The following ZNF333 variants were observed in gnomAD, a reference collection of about 807,000 sequenced individuals.
ZNF333 encodes zinc finger protein 333.
Under a neutral mutation model 76.1 loss-of-function variants are expected in ZNF333, and 61 were observed. The ratio of observed to expected loss-of-function variants is 0.80; its 90% CI spans 0.65 to 0.99. The LOEUF is 0.99. Ranked by LOEUF, ZNF333 falls within the 50% of genes least tolerant of loss-of-function variation. ZNF333 has a pLI of 0.00. For missense variants in ZNF333, 717 were observed against 822.4 expected (o/e 0.87, Z 1.57); for synonymous variants, 284 against 305.0 (o/e 0.93, Z 0.72).
At chr19:14,704,836 G>C (rs564727076) in intron 5 of ZNF333, among the ~76,000 whole-genome samples, 31 of 152,334 alleles carry the variant, frequency 2.0e-4, no homozygotes, top group African/African-American at 7.2e-4. Flanking sequence ...TATCAATGGG[G>C]CTTCGCCATG....
chr19:14,708,415 C>A (rs544656229), intron 7 of ZNF333: 1 of 401,246 alleles, frequency 2.5e-6, no homozygotes, highest in Non-Finnish European at 4.4e-6. Flanking sequence ...CCGTGGAGCT[C>A]ACGGTCAGCT....
At position 14,695,152 on chromosome 19, in the gene ZNF333, G is replaced by C. The variant is rs774436036; in HGVS notation, c.127+19G>C. ...TCCAGGGGTAAGGCTGGCGTCACCT[G>C]GCTCCTTCCTGTACGCAGGCACTAA... On this transcript the variant is annotated intron_variant, in intron 3 of 11. Transcript: ENST00000292530. 2 of 1,610,796 alleles carry C rather than the reference G, an allele frequency of 1.2e-6. No individual in the cohort carries two copies. The highest frequency in any genetic ancestry group is 3.3e-5 in the Admixed American group (2 of 59,832).
At chr19:14,706,613 T>G (rs1255825656) in intron 6 of ZNF333, 73 bp from the exon 7 acceptor site, 2 of 1,140,084 alleles carry the variant, frequency 1.8e-6, no homozygotes, top group African/African-American at 1.5e-5. Flanking sequence ...TGCACGTTCA[T>G]TTGGGGTGAG....
chr19:14,730,948 C>T (rs1295599499), intron 11 of ZNF333, among the ~76,000 whole-genome samples: 1 of 151,854 alleles, frequency 6.6e-6, no homozygotes, highest in Admixed American at 6.6e-5. Flanking sequence ...ATGATGGTTC[C>T]AGCTGCATTC....
At position 14,711,982 on chromosome 19, in the gene ZNF333, C is replaced by T. The variant is rs904810439; in HGVS notation, c.512-3400C>T. Among the ~76,000 whole-genome samples, 5 of 151,558 alleles carry T rather than the reference C, an allele frequency of 3.3e-5. No individual in the cohort carries two copies. The East Asian group carries it at 5.8e-4, about 18-fold the overall frequency. ...TCAGGATGGGGCACTCTGAGGGCGA[C>T]GTTTCAGTGGATCCAAAAAGAAAAG... On this transcript the variant is annotated intron_variant, in intron 7 of 11. Transcript: ENST00000292530.
chr19:14,717,205 T>A (rs926396310), intron 10 of ZNF333, 116 bp downstream of exon 10: 2 of 768,316 alleles, frequency 2.6e-6, no homozygotes, highest in Non-Finnish European at 4.1e-6. Flanking sequence ...GCCTGTTTGG[T>A]TGAGCTCCCT....
chr19:14,707,975 C>T, intron 7 of ZNF333: 1 of 400,992 alleles, frequency 2.5e-6, no homozygotes, highest in East Asian at 3.6e-5. Context: ...GGTAAGTCTT[C>T]TGGGCCAGGC....
Position 14,695,263 on chromosome 19 carries a change from A to G in ZNF333, c.127+130A>G, listed in dbSNP as rs532239107. Reference sequence around the variant, plus strand: ...AGCGTCCACAGGATGACAAAGCTTCATCTGTTGCATTGACTTCTTTCCCTC... The same window carrying G: ...AGCGTCCACAGGATGACAAAGCTTCGTCTGTTGCATTGACTTCTTTCCCTC... On this transcript the variant is annotated intron_variant, in intron 3 of 11. Coordinates refer to ENST00000292530, the MANE Select transcript of ZNF333 (RefSeq NM_032433.4). 1.4e-4 allele frequency: 179 copies of G among 1,318,414 alleles called. 4 individuals carry two copies. In the South Asian group the frequency reaches 2.5e-3, roughly 19 times the overall value. 81.7% of individuals were successfully genotyped at this position (1,318,414 alleles called of 1,614,324 possible).
In ZNF333 at chr19:14,705,179, G is replaced by C; in HGVS notation, c.423+9G>C. 6.2e-7 allele frequency: 1 copy of C among 1,611,596 alleles called. No homozygotes were observed. The highest frequency in any genetic ancestry group is 8.5e-7 in the Non-Finnish European group (1 of 1,179,040). On this transcript the variant is annotated intron_variant, in intron 6 of 11. Transcript: ENST00000292530. ...GGTCTCTGGGATGCACGGTAAGCCTGGGAGAGGTTCACTGTGATGGCACCA... is the reference window on the plus strand; with the variant it reads ...GGTCTCTGGGATGCACGGTAAGCCTCGGAGAGGTTCACTGTGATGGCACCA...
At chr19:14,701,922 C>A (rs1317652395) in intron 5 of ZNF333, 3 of 984,572 alleles carry the variant, frequency 3.0e-6, no homozygotes, top group Middle Eastern at 5.2e-4. Context: ...AGGAGTTGAA[C>A]CCAGACCTAA....
At chr19:14,701,410 T>TA (rs1452946431) in intron 5 of ZNF333, among the ~76,000 whole-genome samples, 2 of 152,164 alleles carry the variant, frequency 1.3e-5, no homozygotes, top group Non-Finnish European at 2.9e-5. Context: ...TGGCTGATTT[T>TA]AAAAAATTGT....
At chr19:14,706,339 A>T (rs2042109624) in intron 6 of ZNF333, 1 of 383,764 alleles carries the variant, frequency 2.6e-6, no homozygotes, top group Non-Finnish European at 5.1e-6. Context: ...CTCCGCATTC[A>T]CGCAGGTCCA....
At chr19:14,695,754 C>A in intron 4 of ZNF333, 93 bp downstream of exon 4, 1 of 1,080,148 alleles carries the variant, frequency 9.3e-7, no homozygotes, top group Non-Finnish European at 1.4e-6. Context: ...GCCCTTTGTT[C>A]TGAGGGGACA....
chr19:14,732,167 A>G (rs1312034241), exon 12 of ZNF333: 1 of 152,146 alleles, frequency 6.6e-6, no homozygotes, highest in Non-Finnish European at 1.5e-5. Context: ...CCCTTCACAG[A>G]TATTGCATTT....
chr19:14,714,154 G>A (rs2042356433), intron 7 of ZNF333, among the ~76,000 whole-genome samples: 1 of 152,074 alleles, frequency 6.6e-6, no homozygotes, highest in Non-Finnish European at 1.5e-5. Flanking sequence ...GATAGAGGTA[G>A]CCCAAGGGAA....
At chr19:14,698,314 C>T (rs2146959279) in intron 4 of ZNF333, among the ~76,000 whole-genome samples, 1 of 144,830 alleles carries the variant, frequency 6.9e-6, no homozygotes, top group African/African-American at 2.6e-5. Context: ...GCGGAGGTTG[C>T]AGTGAGCCGA....
rs1973120139 is a variant in ZNF333 at position 14,695,572 on chromosome 19, C to T, written c.134C>T (p.Pro45Leu). 1 of 1,614,026 alleles carries T rather than the reference C, an allele frequency of 6.2e-7. No individual in the cohort carries two copies. The highest frequency in any genetic ancestry group is 1.3e-5 in the African/African-American group (1 of 74,924). The change falls in exon 4 of 12, where the codon CCA becomes CTA. Residue 45 changes from proline to leucine, a missense_variant. Coordinates refer to ENST00000292530, the MANE Select transcript of ZNF333 (RefSeq NM_032433.4). ...TGTCTTTCTTCATGTGCAGGAACTC[C>T]ACCATGCAAACCCAGTTGTGTCTCC... Reference protein sequence around the residue: ...QCRTLASRGTPPCKPSCVSQL... With the variant: ...QCRTLASRGTLPCKPSCVSQL...
rs2042460703 is a variant in ZNF333, at chr19:14,717,214, C to G, written c.823+125C>G. 4.3e-6 allele frequency: 3 copies of G among 700,454 alleles called. No individual in the cohort carries two copies. The African/African-American group carries it at 5.5e-5, about 13-fold the overall frequency. The allele number at this position is 700,454 out of a possible 1,614,324, so 43.4% of individuals were successfully genotyped here. A position where few individuals can be genotyped will look rare whatever the true frequency, so the allele number is the denominator to read the frequency against. ...TGAGAAGCCTGTTTGGTTGAGCTCC[C>G]TTATTAAATGCCACCTTCTTTCCTT... is the stretch of plus-strand genomic sequence containing the variant. On this transcript the variant is annotated intron_variant, in intron 10 of 11. Transcript: ENST00000292530.
At chr19:14,707,092 G>A (rs913295072) in intron 7 of ZNF333, 1 of 269,202 alleles carries the variant, frequency 3.7e-6, no homozygotes, top group Non-Finnish European at 6.9e-6. Flanking sequence ...AATGGCCTGT[G>A]TTTTAACTGT....
Sources: gnomAD v4.1 joint callset for allele counts (sites outside exome capture counted in the v4.1 genomes callset) on GRCh38, gnomAD v4.1.1 for gene constraint, MANE v1.5 for transcripts, NCBI Gene and HGNC (gene_info 2026-07-23, HGNC 2026-07-21) for gene names.